Variants in ASB7 observed in about 807,000 individuals in gnomAD.
ASB7 encodes the protein ankyrin repeat and SOCS box protein 7.
Under a neutral mutation model 32.5 loss-of-function variants are expected in ASB7, and 4 were observed. The observed-to-expected ratio is 0.12, with a 90% CI of 0.06 to 0.28. ASB7 has a LOEUF of 0.28. ASB7 is among the 10% of genes least tolerant of loss of function. The pLI, the probability that ASB7 is intolerant of heterozygous loss-of-function variation, is 1.00. For synonymous variants in ASB7, 172 were observed against 155.6 expected (o/e 1.11, Z -0.78); for missense variants, 181 against 407.1 (o/e 0.44, Z 4.78).
At chr15:100,614,742 CAA>C (rs58705118) in intron 4 of ASB7, among the ~76,000 whole-genome samples, 23 of 57,200 alleles carry the variant, frequency 4.0e-4, no homozygotes, top group South Asian at 1.4e-3. Flanking sequence ...AGCTGATGAG[CAA>C]AAAAAAAAAA....
At chr15:100,610,872 T>C (rs1488619307) in intron 3 of ASB7, among the ~76,000 whole-genome samples, 1 of 152,236 alleles carries the variant, frequency 6.6e-6, no homozygotes, top group Non-Finnish European at 1.5e-5. Context: ...TCTAATCTAT[T>C]CCTTCCAGTT....
chr15:100,622,011 C>G (rs886450036), intron 4 of ASB7, among the ~76,000 whole-genome samples: 1 of 152,032 alleles, frequency 6.6e-6, no homozygotes, highest in Non-Finnish European at 1.5e-5. Context: ...CAAATTGTTC[C>G]TCTTTGCTGA....
chr15:100,626,556 C>T (rs1054735216), intron 4 of ASB7, among the ~76,000 whole-genome samples: 3 of 152,242 alleles, frequency 2.0e-5, no homozygotes, highest in Non-Finnish European at 2.9e-5. Flanking sequence ...ATTTCACATA[C>T]GACCCAGCAA....
intron 4 of ASB7, among the ~76,000 whole-genome samples, chr15:100,612,799 G>A (rs1020664659): frequency 2.0e-5 from 3 of 152,132 alleles, no homozygotes; most frequent in African/African-American, 7.2e-5. Flanking sequence ...TTGCTTAAGC[G>A]TATAGACCGA....
chr15:100,607,997 G>T (rs2039661848), intron 2 of ASB7, among the ~76,000 whole-genome samples: 1 of 152,184 alleles, frequency 6.6e-6, no homozygotes, highest in Non-Finnish European at 1.5e-5. Context: ...ATAGTTGGAA[G>T]CCAGCAACAA....
chr15:100,629,306 C>CT lies in ASB7; in HGVS notation c.212-129dup. On this transcript the variant is annotated intron_variant, in intron 4 of 5. Transcript: ENST00000332783. The surrounding 1 kb of genome is among the most constrained non-coding windows in gnomAD (Gnocchi z 6.8). ...TTGAATTAAACTGAGGAAAAACGTA[C>CT]TTGATATTCATTACAGTGTTTGGTT... The CT allele has an allele frequency of 1.2e-6, 1 of 803,166 alleles. No homozygotes were observed. Among genetic ancestry groups the CT allele is most frequent in the South Asian group, 1.8e-5 (1 of 55,588 alleles). The allele number at this position is 803,166 out of a possible 1,614,324, so 49.8% of individuals were successfully genotyped here. A position where few individuals can be genotyped will look rare whatever the true frequency, so the allele number is the denominator to read the frequency against.
At chr15:100,646,469 A>G (rs1051043802) in intron 5 of ASB7, 4 of 467,014 alleles carry the variant, frequency 8.6e-6, no homozygotes, top group Non-Finnish European at 1.8e-5. Context: ...AAGGGCATTC[A>G]CAGAAACTGA....
chr15:100,610,663 A>G (rs1286102656), intron 3 of ASB7, among the ~76,000 whole-genome samples: 4 of 152,220 alleles, frequency 2.6e-5, no homozygotes, highest in South Asian at 4.1e-4. Flanking sequence ...TGTATTCTTA[A>G]GTTGTAATGA....
intron 5 of ASB7, among the ~76,000 whole-genome samples, chr15:100,632,258 G>A (rs796152331): frequency 2.0e-5 from 3 of 152,200 alleles, no homozygotes; most frequent in African/African-American, 4.8e-5. Flanking sequence ...GGCTGACTGC[G>A]CACAGCGAGG....
At chr15:100,633,652 AGGAG>A (rs1354821809) in intron 5 of ASB7, among the ~76,000 whole-genome samples, 1 of 147,188 alleles carries the variant, frequency 6.8e-6, no homozygotes, top group Admixed American at 6.9e-5. Context: ...GGAAGAAGGA[AGGAG>A]GAAGGAAGGA....
At chr15:100,644,404 C>G (rs1471591166) in intron 5 of ASB7, among the ~76,000 whole-genome samples, 1 of 152,178 alleles carries the variant, frequency 6.6e-6, no homozygotes, top group Admixed American at 6.5e-5. Flanking sequence ...ATAATTTATT[C>G]TTTTCCTAAA....
chr15:100,647,634 C>G (rs1033218791), intron 5 of ASB7, among the ~76,000 whole-genome samples: 1 of 152,140 alleles, frequency 6.6e-6, no homozygotes, highest in Non-Finnish European at 1.5e-5. Flanking sequence ...GGTGTGGAAG[C>G]TTGAAGCGAT....
rs998751426 is a variant in ASB7 at position 100,643,584 on chromosome 15, G to A, written c.818-4739G>A. Among the ~76,000 whole-genome samples the A allele has an allele frequency of 4.0e-5, 6 of 149,836 alleles. No homozygotes were observed. The Admixed American group carries it at 4.0e-4, about 10-fold the overall frequency. On this transcript the variant is annotated intron_variant, in intron 5 of 5. Coordinates refer to ENST00000332783, the MANE Select transcript of ASB7 (RefSeq NM_198243.3). ...GGCTCACTGCAACCTCTGCCTCCTG[G>A]GTTCAAGTGATTCTCCTGCCTCAGC...
chr15:100,641,919 A>C (rs1567118490), intron 5 of ASB7, among the ~76,000 whole-genome samples: 1 of 152,230 alleles, frequency 6.6e-6, no homozygotes, highest in Non-Finnish European at 1.5e-5. Flanking sequence ...CAGGAAGCTA[A>C]GGAGCCCAAG....
chr15:100,633,303 G>T (rs758072266), intron 5 of ASB7, among the ~76,000 whole-genome samples: 1 of 152,126 alleles, frequency 6.6e-6, no homozygotes, highest in Non-Finnish European at 1.5e-5. Flanking sequence ...ACGGCTGGGC[G>T]CAGTGGCTCA....
At chr15:100,644,772 A>G (rs2039986374) in intron 5 of ASB7, among the ~76,000 whole-genome samples, 1 of 152,202 alleles carries the variant, frequency 6.6e-6, no homozygotes, top group Admixed American at 6.5e-5. Context: ...ATGAAGTGCT[A>G]TTTTGGCAGA....
intron 5 of ASB7, 96 bp from the exon 6 acceptor site, chr15:100,648,227 G>A (rs181146719): frequency 2.3e-6 from 3 of 1,318,034 alleles, no homozygotes; most frequent in Non-Finnish European, 3.1e-6. Flanking sequence ...CAAGTCCATA[G>A]AGAGAACTTC....
chr15:100,647,018 C>CATT (rs569517997), intron 5 of ASB7, among the ~76,000 whole-genome samples: 3,553 of 14,680 alleles, frequency 0.24, 41 homozygotes, highest in Non-Finnish European at 0.45. Context: ...GAAAGAATGA[C>CATT]GTTCTTGTTA....
At chr15:100,620,370 G>A (rs191176298) in intron 4 of ASB7, among the ~76,000 whole-genome samples, 6 of 152,268 alleles carry the variant, frequency 3.9e-5, no homozygotes, top group South Asian at 2.1e-4. Flanking sequence ...TAGGGAACAC[G>A]TGGATATGAA....
Sources: allele counts gnomAD v4.1 joint callset (sites outside exome capture counted in the v4.1 genomes callset), GRCh38; gene constraint gnomAD v4.1.1; non-coding constraint Gnocchi (gnomAD v3.1); transcripts MANE v1.5; gene names NCBI Gene and HGNC (gene_info 2026-07-23, HGNC 2026-07-21).